ARHGAP10: variants seen among roughly 807,000 people sequenced by gnomAD.
ARHGAP10 encodes the protein Rho GTPase activating protein 10.
Under a neutral mutation model 108.6 loss-of-function variants are expected in ARHGAP10, and 87 were observed. The ratio of observed to expected loss-of-function variants is 0.80; its 90% CI spans 0.67 to 0.96. The LOEUF is 0.96. Ranked by LOEUF, ARHGAP10 falls within the 40% of genes least tolerant of loss-of-function variation. The probability of loss-of-function intolerance (pLI) is 0.00; values close to 1 mark genes in which losing one functional copy is unlikely to be tolerated. For missense variants in ARHGAP10, 939 were observed against 954.5 expected (o/e 0.98, Z 0.21); for synonymous variants, 347 against 341.1 (o/e 1.02, Z -0.19).
At chr4:147,926,266 TA>T (rs1377148573) in intron 13 of ARHGAP10, among the ~76,000 whole-genome samples, 1 of 151,812 alleles carries the variant, frequency 6.6e-6, no homozygotes, top group Non-Finnish European at 1.5e-5. Context: ...AGAATGGGGG[TA>T]AGATGGAAGG....
At chr4:147,745,880 A>C (rs1475689917) in intron 1 of ARHGAP10, among the ~76,000 whole-genome samples, 1 of 134,772 alleles carries the variant, frequency 7.4e-6, no homozygotes. Flanking sequence ...TCCACTTCCC[A>C]GGTTCAAGCG....
intron 4 of ARHGAP10, among the ~76,000 whole-genome samples, chr4:147,856,225 A>G (rs1379508845): frequency 6.6e-6 from 1 of 152,254 alleles, no homozygotes; most frequent in Non-Finnish European, 1.5e-5. Flanking sequence ...AAAAGCTTCT[A>G]TAGCAAAAGG....
At chr4:147,813,296 C>G (rs942272193) in intron 1 of ARHGAP10, among the ~76,000 whole-genome samples, 2 of 152,220 alleles carry the variant, frequency 1.3e-5, no homozygotes, top group African/African-American at 4.8e-5. Context: ...GTGAAGGACA[C>G]TGCTCTGCCC....
At chr4:147,900,761 T>A (rs1037715166) in intron 10 of ARHGAP10, among the ~76,000 whole-genome samples, 3 of 152,086 alleles carry the variant, frequency 2.0e-5, no homozygotes, top group Admixed American at 1.3e-4. Context: ...AACAAAGATG[T>A]GATTGCTATT....
intron 10 of ARHGAP10, among the ~76,000 whole-genome samples, chr4:147,886,804 T>G (rs1331694345): frequency 6.6e-6 from 1 of 152,198 alleles, no homozygotes; most frequent in African/African-American, 2.4e-5. Context: ...AGAGTCTCGC[T>G]CTGTCACCCA....
At chr4:147,823,758 A>G (rs1465653697) in intron 3 of ARHGAP10, among the ~76,000 whole-genome samples, 1 of 151,854 alleles carries the variant, frequency 6.6e-6, no homozygotes, top group East Asian at 1.9e-4. Flanking sequence ...CCCTGTCTCA[A>G]AAAAAAAGAA....
At chr4:147,746,173 G>C (rs1175138222) in intron 1 of ARHGAP10, among the ~76,000 whole-genome samples, 1 of 151,840 alleles carries the variant, frequency 6.6e-6, no homozygotes. Context: ...GCGTGATCTT[G>C]GCTCACTGCA....
chr4:147,850,650 C>T (rs1428365959), intron 4 of ARHGAP10, among the ~76,000 whole-genome samples: 1 of 152,198 alleles, frequency 6.6e-6, no homozygotes, highest in African/African-American at 2.4e-5. Flanking sequence ...GACACACCAT[C>T]TTTAAGAACT....
At chr4:148,033,024 A>G (rs1728222042) in intron 19 of ARHGAP10, among the ~76,000 whole-genome samples, 1 of 152,172 alleles carries the variant, frequency 6.6e-6, no homozygotes, top group South Asian at 2.1e-4. Context: ...GCATCCTTCA[A>G]TCCAATCATG....
chr4:148,071,879 C>A, intron 22 of ARHGAP10, 114 bp from the exon 23 acceptor site: 1 of 794,842 alleles, frequency 1.3e-6, no homozygotes, highest in South Asian at 1.8e-5. Context: ...CCCAACATCC[C>A]AGAAGTGGCC....
At position 147,822,878 on chromosome 4, in the gene ARHGAP10, A is replaced by T; in HGVS notation, c.251-18A>T. On this transcript the variant is annotated intron_variant, in intron 2 of 22. Coordinates refer to ENST00000336498, the MANE Select transcript of ARHGAP10 (RefSeq NM_024605.4). ...CCTTTGCCATGGCCACCAAATAATC[A>T]CTCCTTTCTTCTTACAGATGCTTCC... 1 of 1,613,616 alleles carries T rather than the reference A, an allele frequency of 6.2e-7. No individual in the cohort carries two copies. The highest frequency in any genetic ancestry group is 8.5e-7 in the Non-Finnish European group (1 of 1,179,742).
intron 13 of ARHGAP10, among the ~76,000 whole-genome samples, chr4:147,937,702 A>G (rs939369317): frequency 3.3e-5 from 5 of 152,170 alleles, no homozygotes; most frequent in East Asian, 3.9e-4. Flanking sequence ...ATGTGGGGTC[A>G]GGCGTATTGG....
intron 1 of ARHGAP10, among the ~76,000 whole-genome samples, chr4:147,790,132 C>T (rs1390322165): frequency 6.6e-6 from 1 of 151,602 alleles, no homozygotes; most frequent in Non-Finnish European, 1.5e-5. Context: ...GATCAAGGTG[C>T]TGGTATATTC....
chr4:147,845,577 A>C (rs530734528), intron 3 of ARHGAP10, among the ~76,000 whole-genome samples: 1 of 152,172 alleles, frequency 6.6e-6, no homozygotes, highest in Non-Finnish European at 1.5e-5. Context: ...TGGAATCCCT[A>C]TTCCTATCTT....
rs531394218 is a variant in ARHGAP10, at chr4:147,906,736, G to A, written c.1116+17G>A. The A allele has an allele frequency of 4.3e-6, 7 of 1,613,480 alleles. No individual in the cohort carries two copies. The South Asian group carries it at 6.6e-5, about 15-fold the overall frequency. ...AAGGAAGCTGTAAGAATAATCAATG[G>A]TTGAGTTTTATTTCAAAGCCTTTAG... On this transcript the variant is annotated intron_variant, in intron 11 of 22. Transcript: ENST00000336498.
Position 147,941,360 on chromosome 4 carries a change from C to T in ARHGAP10, c.1303+1461C>T, listed in dbSNP as rs1738158745. Among the ~76,000 whole-genome samples the T allele has an allele frequency of 2.0e-5, 3 of 152,312 alleles. No homozygotes were observed. In the South Asian group the frequency reaches 6.2e-4, roughly 32 times the overall value. On this transcript the variant is annotated intron_variant, in intron 14 of 22. Transcript: ENST00000336498. ...GTCATCTCATAAAATTCTACGTGTA[C>T]AGCATTGCTAAACTCAGCGTGGTAG...
intron 18 of ARHGAP10, 61 bp from the exon 19 acceptor site, chr4:148,023,202 G>T (rs544836250): frequency 1.9e-6 from 3 of 1,578,806 alleles, no homozygotes; most frequent in East Asian, 4.5e-5. Context: ...TGGTTTACTG[G>T]AGTAACACAC....
chr4:148,007,561 T>G (rs545524703), intron 18 of ARHGAP10, among the ~76,000 whole-genome samples: 8 of 152,320 alleles, frequency 5.3e-5, no homozygotes, highest in African/African-American at 1.9e-4. Flanking sequence ...ATTCAAGCCC[T>G]TCATGCGGTG....
At chr4:147,879,152 C>G in intron 8 of ARHGAP10, 80 bp from the exon 9 acceptor site, 1 of 1,135,670 alleles carries the variant, frequency 8.8e-7, no homozygotes, top group Non-Finnish European at 1.3e-6. Context: ...TTAGACATTT[C>G]CTCTTTAGTA....
Sources: allele counts gnomAD v4.1 joint callset (sites outside exome capture counted in the v4.1 genomes callset), GRCh38; gene constraint gnomAD v4.1.1; transcripts MANE v1.5; gene names NCBI Gene and HGNC (gene_info 2026-07-23, HGNC 2026-07-21).